The following ACSBG2 variants were observed in gnomAD, a reference collection of about 807,000 sequenced individuals.
ACSBG2 encodes long-chain-fatty-acid--CoA ligase ACSBG2.
ACSBG2 carries 62 observed loss-of-function variants against 74.7 expected under a neutral mutation model. The observed-to-expected ratio is 0.83, with a 90% confidence interval of 0.68 to 1.03. ACSBG2 has a LOEUF of 1.03. ACSBG2 is among the 50% of genes least tolerant of loss of function. The pLI, the probability that ACSBG2 is intolerant of heterozygous loss-of-function variation, is 0.00. For missense variants in ACSBG2, 730 were observed against 817.6 expected, an observed-to-expected ratio of 0.89 and a Z score of 1.31; for synonymous variants, 309 against 294.1, an observed-to-expected ratio of 1.05 and a Z score of -0.52.
At chr19:6,146,268 G>A (rs1472053145) in intron 2 of ACSBG2, among the ~76,000 whole-genome samples, 1 of 151,490 alleles carries the variant, frequency 6.6e-6, no homozygotes, top group Non-Finnish European at 1.5e-5. Flanking sequence ...TCAGGAGTTC[G>A]AGACCAGCCT....
intron 7 of ACSBG2, chr19:6,175,219 G>T (rs2145195600): frequency 6.6e-6 from 1 of 152,336 alleles, no homozygotes; most frequent in East Asian, 1.9e-4. Flanking sequence ...AGCCTTGAGG[G>T]ATATTTTGGG....
At position 6,187,660 on chromosome 19, in the gene ACSBG2, T is replaced by A. The variant is rs2145276503; in HGVS notation, c.1742T>A (p.Phe581Tyr). ...LDKLNFEAIN[F>Y]CRGLGSQAST... The stretch of plus-strand genomic sequence containing the variant: ...AAGCTGAACTTCGAGGCCATCAACT[T>A]CTGTCGGGGTCTGGGCAGCCAGGCA... The change falls in exon 13 of 15, where the codon TTC (phenylalanine) becomes TAC (tyrosine). Residue 581 changes from phenylalanine (F) to tyrosine (Y), a missense_variant. Transcript: ENST00000588485. 1 of 1,613,950 alleles carries A rather than the reference T, an allele frequency of 6.2e-7. No individual in the cohort carries two copies. Among genetic ancestry groups the A allele is most frequent in the Middle Eastern group, 1.6e-4 (1 of 6,062 alleles).
intron 4 of ACSBG2, among the ~76,000 whole-genome samples, chr19:6,152,240 G>A (rs2089262743): frequency 6.6e-6 from 1 of 151,504 alleles, no homozygotes; most frequent in Non-Finnish European, 1.5e-5. Flanking sequence ...GGCCTCCAGG[G>A]TAACTGGGAC....
At position 6,183,210 on chromosome 19, in the gene ACSBG2, T is replaced by C. The variant is rs145400370; in HGVS notation, c.1260T>C (p.Tyr420=). 93 of 1,614,028 alleles carry C rather than the reference T, an allele frequency of 5.8e-5. No homozygotes were observed. Among genetic ancestry groups the C allele is most frequent in the African/African-American group, 2.4e-4 (18 of 74,916 alleles). The change falls in exon 10 of 15, where the codon TAT becomes TAC. Residue 420 remains tyrosine, a synonymous_variant. Transcript: ENST00000588485. Reference sequence around the variant, plus strand: ...TGGACATACCTATAGGCGAGTTGTATGGGTTGAGTGAGAGCTCGGGACCCC... The same window carrying C: ...TGGACATACCTATAGGCGAGTTGTACGGGTTGAGTGAGAGCTCGGGACCCC... ...LSLDIPIGEL[Y]GLSESSGPHT... is the part of the protein sequence containing the mutation.
chr19:6,167,270 G>A (rs2089836107), intron 7 of ACSBG2, among the ~76,000 whole-genome samples: 1 of 152,324 alleles, frequency 6.6e-6, no homozygotes, highest in South Asian at 2.1e-4. Context: ...AACCATGTAA[G>A]CTGGTGTGAC....
chr19:6,177,453 A>G (rs1179287196), intron 8 of ACSBG2, 57 bp downstream of exon 8: 5 of 1,508,282 alleles, frequency 3.3e-6, no homozygotes, highest in Non-Finnish European at 4.4e-6. Context: ...AGCCCAGGTG[A>G]GTAGATGGTT....
chr19:6,189,613 C>G (rs1045389074), intron 13 of ACSBG2: 4 of 152,316 alleles, frequency 2.6e-5, no homozygotes, highest in African/African-American at 9.7e-5. Context: ...GCTGCTGCAG[C>G]CTTGAACTCC....
chr19:6,146,571 G>A (rs2089041726), intron 2 of ACSBG2, among the ~76,000 whole-genome samples: 1 of 151,730 alleles, frequency 6.6e-6, no homozygotes, highest in African/African-American at 2.4e-5. Context: ...TTCGAGACCA[G>A]CCTGACCAAC....
intron 1 of ACSBG2, among the ~76,000 whole-genome samples, chr19:6,136,655 A>C (rs187072240): frequency 4.6e-5 from 7 of 152,246 alleles, no homozygotes; most frequent in African/African-American, 1.7e-4. Flanking sequence ...GAGTCACCAC[A>C]TCTGAACCCT....
chr19:6,185,727 A>G (rs928218321), intron 11 of ACSBG2, 74 bp downstream of exon 11: 1 of 1,507,130 alleles, frequency 6.6e-7, no homozygotes, highest in Admixed American at 1.7e-5. Context: ...CCAGGGTACC[A>G]GCACGAAGGC....
At chr19:6,184,193 T>A (rs1206135285) in intron 10 of ACSBG2, among the ~76,000 whole-genome samples, 2 of 152,194 alleles carry the variant, frequency 1.3e-5, no homozygotes, top group African/African-American at 4.8e-5. Flanking sequence ...GTCCCTTTAT[T>A]ATTGGTTTGT....
In ACSBG2 at chr19:6,159,349, TGGTG is replaced by T. The variant is rs1182759801; in HGVS notation, c.508-1855_508-1852del. On this transcript the variant is annotated intron_variant, in intron 5 of 14. Coordinates refer to ENST00000588485, the MANE Select transcript of ACSBG2 (RefSeq NM_030924.5). The stretch of plus-strand genomic sequence containing the variant: ...GCAGAACACACTATGGGGTGGGTGC[TGGTG>T]GGTGGGTGGGGTCCTTCTTCCAGCT... Among the ~76,000 whole-genome samples the T allele has an allele frequency of 4.7e-5, 7 of 150,430 alleles. No individual in the cohort carries two copies. The East Asian group carries it at 1.2e-3, about 26-fold the overall frequency.
intron 7 of ACSBG2, among the ~76,000 whole-genome samples, chr19:6,176,984 C>G (rs1460052940): frequency 6.6e-6 from 1 of 151,476 alleles, no homozygotes; most frequent in Non-Finnish European, 1.5e-5. Context: ...AGTGAGACCC[C>G]CTCTCTACAA....
chr19:6,180,427 A>C lies in ACSBG2; in HGVS notation c.907-2324A>C, dbSNP rs1469442988. ...GCTAAATATTTCCTTGGCCCCTCTC[A>C]ATCCCTCTCATATGCCCCATGCTCA... On this transcript the variant is annotated intron_variant, in intron 8 of 14. Coordinates refer to ENST00000588485, the MANE Select transcript of ACSBG2 (RefSeq NM_030924.5). This position sits in a 1 kb window ranked among gnomAD's most constrained non-coding sequence, Gnocchi z 4.3. 1.3e-5 allele frequency among the ~76,000 whole-genome samples: 2 copies of C among 152,096 alleles called. No homozygotes were observed. Among genetic ancestry groups the C allele is most frequent in the East Asian group, 3.9e-4 (2 of 5,182 alleles).
At chr19:6,184,392 C>T (rs2090340801) in intron 10 of ACSBG2, among the ~76,000 whole-genome samples, 2 of 151,812 alleles carry the variant, frequency 1.3e-5, no homozygotes, top group African/African-American at 2.4e-5. Context: ...TTTCTATATA[C>T]CTAAAAAGGC....
chr19:6,176,423 T>C, intron 7 of ACSBG2: 1 of 1,464,096 alleles, frequency 6.8e-7, no homozygotes, highest in Non-Finnish European at 9.3e-7. Flanking sequence ...CCTTTGCCAC[T>C]GCTCCTGCCA....
In ACSBG2 at chr19:6,187,638, C is replaced by A. The variant is rs1392096296; in HGVS notation, c.1720C>A (p.Leu574Met). ...GATGAGCGGAGAACCTCTGGACAAG[C>A]TGAACTTCGAGGCCATCAACTTCTG... Reference protein sequence around the residue: ...NQMSGEPLDKLNFEAINFCRG... With the variant: ...NQMSGEPLDKMNFEAINFCRG... The change falls in exon 13 of 15, where the codon CTG (leucine) becomes ATG (methionine). Residue 574 changes from leucine to methionine, a missense_variant. Coordinates refer to ENST00000588485, the MANE Select transcript of ACSBG2 (RefSeq NM_030924.5). The A allele has an allele frequency of 6.2e-7, 1 of 1,614,098 alleles. No homozygotes were observed. Among genetic ancestry groups the A allele is most frequent in the Admixed American group, 1.7e-5 (1 of 60,006 alleles).
At position 6,174,745 on chromosome 19, in the gene ACSBG2, C is replaced by T. The variant is rs774612547; in HGVS notation, c.739-2484C>T. Among the ~76,000 whole-genome samples, 362 of 152,182 alleles carry T rather than the reference C, an allele frequency of 2.4e-3. 6 individuals are homozygous for T. The highest frequency in any genetic ancestry group is 5.8e-4 in the East Asian group (3 of 5,170). ...AGACGATCCCTTGAGCCCAGGAGTTCGAGGCTGCAGTGAGCTATGATGCTG... is the reference window on the plus strand; with the variant it reads ...AGACGATCCCTTGAGCCCAGGAGTTTGAGGCTGCAGTGAGCTATGATGCTG... On this transcript the variant is annotated intron_variant, in intron 7 of 14. Transcript: ENST00000588485. This position sits in a 1 kb window ranked among gnomAD's most constrained non-coding sequence, Gnocchi z 4.2.
intron 1 of ACSBG2, 88 bp from the exon 2 acceptor site, chr19:6,141,425 C>T: frequency 1.4e-6 from 1 of 701,930 alleles, no homozygotes; most frequent in Non-Finnish European, 2.6e-6. Flanking sequence ...GGATTCTAGG[C>T]AGACATGACC....
Sources: allele counts gnomAD v4.1 joint callset (sites outside exome capture counted in the v4.1 genomes callset), GRCh38; gene constraint gnomAD v4.1.1; non-coding constraint Gnocchi (gnomAD v3.1); transcripts MANE v1.5; gene names NCBI Gene and HGNC (gene_info 2026-07-23, HGNC 2026-07-21).